XKRX: variants seen among roughly 807,000 people sequenced by gnomAD.
XKRX encodes XK-related protein 2.
Under a neutral mutation model 22.4 loss-of-function variants are expected in XKRX, and 11 were observed. The ratio of observed to expected loss-of-function variants is 0.49; its 90% CI spans 0.31 to 0.81. The LOEUF is 0.81. Among genes scored for constraint, XKRX ranks in the 40% least tolerant of loss-of-function variants. The pLI, the probability that XKRX is intolerant of heterozygous loss-of-function variation, is 0.05. For missense variants in XKRX, 320 were observed against 336.5 expected (o/e 0.95, Z 0.38); for synonymous variants, 114 against 132.2 (o/e 0.86, Z 0.94).
At chrX:100,904,977 T>C in the XKRX span, among the ~76,000 whole-genome samples, 16 of 112,017 alleles carry the variant, frequency 1.4e-4, no homozygotes, top group South Asian at 3.7e-4. Flanking sequence ...GTTTTCTGTG[T>C]GATGTATGAA....
chrX:100,920,433 A>G (rs2085466534), intron 2 of XKRX, among the ~76,000 whole-genome samples: 1 of 111,529 alleles, frequency 9.0e-6, no homozygotes, highest in Admixed American at 9.6e-5. Context: ...CATAGTAAAA[A>G]TAAGTCCAGA....
chrX:100,936,777 G>A, the XKRX span, among the ~76,000 whole-genome samples: 9 of 108,732 alleles, frequency 8.3e-5, no homozygotes, highest in East Asian at 2.9e-4. Flanking sequence ...GTGCAGGAAC[G>A]AGGAAGTGCC....
At chrX:100,925,798 T>C (rs1257369966) in intron 1 of XKRX, among the ~76,000 whole-genome samples, 1 of 112,163 alleles carries the variant, frequency 8.9e-6, no homozygotes, top group African/African-American at 3.2e-5. Context: ...CATCACCCAG[T>C]CCAAAGATGC....
At chrX:100,935,014 T>C in the XKRX span, among the ~76,000 whole-genome samples, 6 of 111,941 alleles carry the variant, frequency 5.4e-5, no homozygotes, top group South Asian at 2.3e-3. Flanking sequence ...AGAGAGAGTA[T>C]GTAAGGGCAT....
intron 2 of XKRX, 42 bp from the exon 3 acceptor site, chrX:100,915,125 A>C: frequency 8.6e-7 from 1 of 1,168,959 alleles, no homozygotes; most frequent in Non-Finnish European, 1.1e-6. Flanking sequence ...GCAATCAGTC[A>C]ATGTTGGTAA....
chrX:100,955,017 T>C, the XKRX span, among the ~76,000 whole-genome samples: 1,198 of 111,991 alleles, frequency 0.011, 18 homozygotes, highest in African/African-American at 0.037. Context: ...TTTAATATAC[T>C]AAAAAACGAT....
chrX:100,956,399 C>T, the XKRX span, among the ~76,000 whole-genome samples: 1 of 111,343 alleles, frequency 9.0e-6, no homozygotes, highest in African/African-American at 3.3e-5. Context: ...AAGTTATTGC[C>T]CTACTGCACT....
At chrX:100,951,499 T>C in the XKRX span, among the ~76,000 whole-genome samples, 1 of 109,252 alleles carries the variant, frequency 9.2e-6, no homozygotes, top group African/African-American at 3.3e-5. Flanking sequence ...AAACAAATAA[T>C]CTAAGTACCC....
At chrX:100,955,780 T>A in the XKRX span, among the ~76,000 whole-genome samples, 1 of 111,939 alleles carries the variant, frequency 8.9e-6, no homozygotes, top group Non-Finnish European at 1.9e-5. Context: ...TGGGAAACAA[T>A]CCAAATGCCC....
the XKRX span, chrX:100,957,498 C>T: frequency 8.4e-7 from 1 of 1,184,834 alleles, no homozygotes; most frequent in East Asian, 3.0e-5. Flanking sequence ...GACGCATCTT[C>T]ATAAACAGGC....
chrX:100,941,889 T>C, the XKRX span, among the ~76,000 whole-genome samples: 4 of 111,318 alleles, frequency 3.6e-5, no homozygotes, highest in Admixed American at 3.8e-4. Flanking sequence ...CAGCGTTTCT[T>C]TTCTTTTTTT....
the XKRX span, among the ~76,000 whole-genome samples, chrX:100,942,671 C>T: frequency 9.0e-6 from 1 of 111,436 alleles, no homozygotes; most frequent in Non-Finnish European, 1.9e-5. Flanking sequence ...ACACTGGAGG[C>T]CATTTATAGC....
the XKRX span, among the ~76,000 whole-genome samples, chrX:100,954,109 C>CA: frequency 9.1e-6 from 1 of 110,204 alleles, no homozygotes; most frequent in African/African-American, 3.3e-5. Flanking sequence ...CACTTCATGC[C>CA]CATTAGGATT....
At chrX:100,925,199 A>T (rs1213284375) in intron 1 of XKRX, among the ~76,000 whole-genome samples, 2 of 112,337 alleles carry the variant, frequency 1.8e-5, no homozygotes, top group African/African-American at 6.5e-5. Flanking sequence ...ACATTTACAT[A>T]AATGTTCTGT....
chrX:100,919,928 G>T (rs1169069489), intron 2 of XKRX, among the ~76,000 whole-genome samples: 2 of 111,709 alleles, frequency 1.8e-5, no homozygotes, highest in African/African-American at 6.5e-5. Context: ...CATGTACACA[G>T]GTATTTATAA....
chrX:100,951,506 A>G, the XKRX span, among the ~76,000 whole-genome samples: 6 of 110,417 alleles, frequency 5.4e-5, no homozygotes, highest in African/African-American at 2.0e-4. Context: ...TAATCTAAGT[A>G]CCCATCTCAC....
intron 1 of XKRX, 53 bp from the exon 2 acceptor site, chrX:100,923,114 G>A: frequency 2.6e-6 from 3 of 1,175,394 alleles, no homozygotes; most frequent in Admixed American, 2.3e-5. Flanking sequence ...GGGAAGGGAG[G>A]TTGTAGTGAG....
At chrX:100,932,230 T>A (rs924760328), upstream of XKRX, among the ~76,000 whole-genome samples, 8 of 111,439 alleles carry the variant, frequency 7.2e-5, no homozygotes, top group African/African-American at 2.6e-4. Flanking sequence ...GCTGTTTCTG[T>A]CCAAACACTC....
upstream of XKRX, among the ~76,000 whole-genome samples, chrX:100,934,232 C>T (rs185627025): frequency 1.8e-5 from 2 of 111,956 alleles, no homozygotes; most frequent in African/African-American, 6.5e-5. Flanking sequence ...GGTAATACTA[C>T]ACTGTATGGA....
Sources: gnomAD v4.1 joint callset for allele counts (sites outside exome capture counted in the v4.1 genomes callset) on GRCh38, gnomAD v4.1.1 for gene constraint, MANE v1.5 for transcripts, NCBI Gene and HGNC (gene_info 2026-07-23, HGNC 2026-07-21) for gene names.